The following MYO1D variants were observed in gnomAD, a reference collection of about 807,000 sequenced individuals.
MYO1D encodes the protein myosin ID, also known as unconventional myosin-Id.
A neutral mutation model predicts 122.0 loss-of-function variants in MYO1D; 83 were observed. The observed-to-expected ratio is 0.68, with a 90% CI of 0.57 to 0.82. The LOEUF (loss-of-function observed/expected upper bound fraction) is 0.82. MYO1D is among the 40% of genes least tolerant of loss of function. MYO1D has a pLI of 0.00. For missense variants in MYO1D, 1,157 were observed against 1,269.5 expected (o/e 0.91, Z 1.35); for synonymous variants, 464 against 446.9 (o/e 1.04, Z -0.48).
chr17:32,554,602 T>C (rs1032071845), intron 21 of MYO1D, among the ~76,000 whole-genome samples: 1 of 152,144 alleles, frequency 6.6e-6, no homozygotes, highest in African/African-American at 2.4e-5. Flanking sequence ...ATTGACCACA[T>C]ACAAATGCAA....
intron 1 of MYO1D, among the ~76,000 whole-genome samples, chr17:32,859,182 T>C (rs1186567723): frequency 6.6e-6 from 1 of 152,252 alleles, no homozygotes; most frequent in Non-Finnish European, 1.5e-5. Flanking sequence ...TTTACTCCTC[T>C]GTCTAGCTGT....
intron 1 of MYO1D, among the ~76,000 whole-genome samples, chr17:32,807,090 A>G (rs1273676689): frequency 6.6e-6 from 1 of 152,220 alleles, no homozygotes; most frequent in African/African-American, 2.4e-5. Flanking sequence ...CTCAAACTTG[A>G]ATTTATTTTC....
chr17:32,809,431 CT>C (rs57040549), intron 1 of MYO1D, among the ~76,000 whole-genome samples: 2,207 of 135,872 alleles, frequency 0.016, 33 homozygotes, highest in African/African-American at 0.05. Context: ...TGGCCTAGGC[CT>C]TTTTTTTTTT....
At chr17:32,635,139 A>C (rs1367826411) in intron 20 of MYO1D, among the ~76,000 whole-genome samples, 2 of 152,220 alleles carry the variant, frequency 1.3e-5, no homozygotes, top group Non-Finnish European at 2.9e-5. Context: ...CTGCAAGATG[A>C]AACTCTAATG....
At chr17:32,842,679 T>TTCTCC (rs2090894590) in intron 1 of MYO1D, among the ~76,000 whole-genome samples, 1 of 152,080 alleles carries the variant, frequency 6.6e-6, no homozygotes, top group South Asian at 2.1e-4. Flanking sequence ...CTTACATACC[T>TTCTCC]TCTCCTCACT....
chr17:32,495,003 C>T (rs117068604), intron 21 of MYO1D, 88 bp from the exon 22 acceptor site: 20,406 of 1,412,312 alleles, frequency 0.014, 197 homozygotes, highest in Middle Eastern at 0.021. Context: ...ACCATTGGCT[C>T]CGGCGCAGCC....
intron 20 of MYO1D, among the ~76,000 whole-genome samples, chr17:32,632,140 T>C (rs2088015997): frequency 6.6e-6 from 1 of 152,192 alleles, no homozygotes; most frequent in South Asian, 2.1e-4. Context: ...CTCTGCTCCA[T>C]AAAGTCTAGA....
chr17:32,748,610 A>G (rs1329453158), intron 12 of MYO1D, among the ~76,000 whole-genome samples: 1 of 152,190 alleles, frequency 6.6e-6, no homozygotes, highest in Non-Finnish European at 1.5e-5. Context: ...TCTTTAGGGC[A>G]AAGACCATCT....
At chr17:32,618,793 C>G (rs1049547819) in intron 20 of MYO1D, among the ~76,000 whole-genome samples, 4 of 151,968 alleles carry the variant, frequency 2.6e-5, no homozygotes, top group Admixed American at 1.3e-4. Context: ...TGCCACCATG[C>G]CTGGCTAATT....
intron 1 of MYO1D, among the ~76,000 whole-genome samples, chr17:32,796,820 T>C (rs1326769447): frequency 6.6e-6 from 1 of 152,186 alleles, no homozygotes; most frequent in Non-Finnish European, 1.5e-5. Context: ...TTTATACTGG[T>C]AGGAAGCCTC....
chr17:32,791,052 C>T (rs2090345452), intron 1 of MYO1D, among the ~76,000 whole-genome samples: 1 of 152,064 alleles, frequency 6.6e-6, no homozygotes, highest in Admixed American at 6.6e-5. Flanking sequence ...CATCTGGGAC[C>T]ACATGGGCAT....
At chr17:32,581,502 CCCTTTT>C (rs577160401) in intron 21 of MYO1D, among the ~76,000 whole-genome samples, 100 of 151,748 alleles carry the variant, frequency 6.6e-4, no homozygotes, top group Non-Finnish European at 1.1e-3. Flanking sequence ...TCCCTCCCTT[CCCTTTT>C]CCTTTTCCTT....
Position 32,760,624 on chromosome 17 carries a change from T to C in MYO1D, c.1039A>G (p.Ile347Val), listed in dbSNP as rs777640352. The C allele has an allele frequency of 1.9e-6, 3 of 1,600,650 alleles. No homozygotes were observed. Among genetic ancestry groups the C allele is most frequent in the East Asian group, 4.5e-5 (2 of 44,738 alleles). ...ATCCAACAAAAAAGGCGCTCATATA[T>C]TGCCTGCAAGGAAAATAGCATCATA... ...SYGRDAFAKA[I>V]YERLFCWIVT... is the part of the protein sequence containing the mutation. Residue 347 changes from isoleucine (I) to valine (V), a missense_variant, in exon 9 of 22, where the codon ATA becomes GTA. By Grantham distance (29) the Ile-to-Val change is conservative. Coordinates refer to ENST00000318217, the MANE Select transcript of MYO1D (RefSeq NM_015194.3).
At position 32,781,498 on chromosome 17, in the gene MYO1D, T is replaced by A. The variant is rs1324782560; in HGVS notation, c.96-714A>T. Among the ~76,000 whole-genome samples the A allele has an allele frequency of 2.0e-5, 3 of 152,172 alleles. No individual in the cohort carries two copies. The East Asian group carries it at 5.8e-4, about 29-fold the overall frequency. Reference sequence around the variant, plus strand: ...ACAGCTGGTTGAAAGGCATGTGTATTTTTAAAGTATATATAATATGATTCT... The same window carrying A: ...ACAGCTGGTTGAAAGGCATGTGTATATTTAAAGTATATATAATATGATTCT... On this transcript the variant is annotated intron_variant, in intron 1 of 21. Transcript: ENST00000318217.
At chr17:32,575,782 T>TAGAA (rs747677115) in intron 21 of MYO1D, among the ~76,000 whole-genome samples, 68 of 152,322 alleles carry the variant, frequency 4.5e-4, no homozygotes, top group Non-Finnish European at 9.4e-4. Context: ...ACATCCATCA[T>TAGAA]ACAGACTCCA....
At chr17:32,659,367 C>T (rs778511627) in intron 16 of MYO1D, 29 bp from the exon 17 acceptor site, 13 of 1,604,548 alleles carry the variant, frequency 8.1e-6, no homozygotes, top group African/African-American at 5.4e-5. Context: ...AAAAGGAAAA[C>T]GTTATTGACC....
rs762161554 is a variant in MYO1D, at chr17:32,775,821, T to C, written c.564+43A>G. On this transcript the variant is annotated intron_variant, in intron 4 of 21. Transcript: ENST00000318217. The stretch of plus-strand genomic sequence containing the variant: ...CTATAAATATAATTTGTTTAAACAT[T>C]CAGCACTTAAAACATTACCCTCAGA... The C allele has an allele frequency of 2.0e-6, 3 of 1,476,772 alleles. No homozygotes were observed. The African/African-American group carries it at 4.2e-5, about 21-fold the overall frequency. The allele number at this position is 1,476,772 out of a possible 1,614,324, so 91.5% of individuals were successfully genotyped here. A position where few individuals can be genotyped will look rare whatever the true frequency, so the allele number is the denominator to read the frequency against.
intron 21 of MYO1D, among the ~76,000 whole-genome samples, chr17:32,516,780 C>A (rs58236957): frequency 0.037 from 5,583 of 152,256 alleles, 335 homozygotes; most frequent in African/African-American, 0.13. Flanking sequence ...TTACTGCCTG[C>A]ATTGTTACCT....
chr17:32,771,892 G>C (rs777880159), intron 5 of MYO1D, among the ~76,000 whole-genome samples: 2 of 152,180 alleles, frequency 1.3e-5, no homozygotes, highest in African/African-American at 4.8e-5. Context: ...AATATTGACA[G>C]TGCTTTTATA....
Sources: gnomAD v4.1 joint callset for allele counts (sites outside exome capture counted in the v4.1 genomes callset) on GRCh38, gnomAD v4.1.1 for gene constraint, MANE v1.5 for transcripts, NCBI Gene and HGNC (gene_info 2026-07-23, HGNC 2026-07-21) for gene names.